Variants in ZPBP observed in about 807,000 individuals in gnomAD.
ZPBP encodes zona pellucida-binding protein 1.
ZPBP carries 26 observed loss-of-function variants against 44.8 expected under a neutral mutation model. The ratio of observed to expected loss-of-function variants is 0.58; its 90% CI spans 0.43 to 0.81. The LOEUF (loss-of-function observed/expected upper bound fraction) is 0.81. Among genes scored for constraint, ZPBP ranks in the 30% least tolerant of loss-of-function variants. The pLI is 0.00. For synonymous variants in ZPBP, 174 were observed against 153.2 expected (o/e 1.14, Z -1.00); for missense variants, 409 against 434.0 (o/e 0.94, Z 0.51).
intron 4 of ZPBP, among the ~76,000 whole-genome samples, chr7:50,040,399 G>C (rs12718233): frequency 2.0e-5 from 3 of 151,978 alleles, no homozygotes; most frequent in Non-Finnish European, 4.4e-5. Flanking sequence ...GAATAGCTCC[G>C]GTCTGCAGTT....
intron 7 of ZPBP, among the ~76,000 whole-genome samples, chr7:49,948,883 T>G (rs1397050827): frequency 6.6e-6 from 1 of 152,104 alleles, no homozygotes; most frequent in East Asian, 1.9e-4. Flanking sequence ...CTCAAAAGAA[T>G]TGAAAGAAGT....
chr7:49,885,100 A>C (rs1353168154), intron 2 of ZPBP, among the ~76,000 whole-genome samples: 1 of 152,122 alleles, frequency 6.6e-6, no homozygotes, highest in East Asian at 1.9e-4. Flanking sequence ...AATTATATGG[A>C]TTATAATCTG....
At chr7:49,878,091 C>G (rs1311371282) in intron 2 of ZPBP, among the ~76,000 whole-genome samples, 1 of 152,100 alleles carries the variant, frequency 6.6e-6, no homozygotes, top group Non-Finnish European at 1.5e-5. Flanking sequence ...CTGTTGCAGT[C>G]TGTCCCCTTG....
At chr7:50,077,828 T>C (rs1477801997) in intron 3 of ZPBP, among the ~76,000 whole-genome samples, 4 of 151,938 alleles carry the variant, frequency 2.6e-5, no homozygotes, top group Middle Eastern at 3.4e-3. Context: ...TGGTGAACAG[T>C]TTGGAGGCTT....
intron 1 of ZPBP, among the ~76,000 whole-genome samples, chr7:49,929,878 G>C (rs1262021791): frequency 6.6e-6 from 1 of 152,180 alleles, no homozygotes; most frequent in Non-Finnish European, 1.5e-5. Context: ...AAGTTAAAGA[G>C]ATGATTTGTA....
chr7:49,840,683 T>C, the ZPBP span, among the ~76,000 whole-genome samples: 2 of 152,216 alleles, frequency 1.3e-5, no homozygotes, highest in African/African-American at 4.8e-5. Flanking sequence ...ATTGCTTCAG[T>C]GCAGCTTCAA....
chr7:49,912,147 C>T, intron 1 of ZPBP: 1 of 1,614,074 alleles, frequency 6.2e-7, no homozygotes, highest in Non-Finnish European at 8.5e-7. Flanking sequence ...AATCGAGCGG[C>T]AGGCCATGTG....
At chr7:49,939,780 A>C (rs867112092) in intron 7 of ZPBP, among the ~76,000 whole-genome samples, 5 of 152,308 alleles carry the variant, frequency 3.3e-5, no homozygotes, top group African/African-American at 1.2e-4. Context: ...GAGATGCTTC[A>C]AATTTGAAAA....
chr7:50,076,114 A>T (rs1272357202), intron 3 of ZPBP, among the ~76,000 whole-genome samples: 1 of 151,944 alleles, frequency 6.6e-6, no homozygotes, highest in Non-Finnish European at 1.5e-5. Flanking sequence ...CAAATCAATC[A>T]GCGTGATATA....
chr7:50,032,132 A>T (rs1283566588), intron 4 of ZPBP, among the ~76,000 whole-genome samples: 1 of 152,168 alleles, frequency 6.6e-6, no homozygotes, highest in African/African-American at 2.4e-5. Flanking sequence ...CCATCTTTGT[A>T]TTTGGAGTAG....
At chr7:50,013,823 A>G (rs1446505596) in intron 6 of ZPBP, among the ~76,000 whole-genome samples, 1 of 152,152 alleles carries the variant, frequency 6.6e-6, no homozygotes, top group Non-Finnish European at 1.5e-5. Flanking sequence ...TTTGAATATA[A>G]TGACACTATG....
intron 4 of ZPBP, among the ~76,000 whole-genome samples, chr7:50,046,071 T>C (rs1800342798): frequency 6.6e-6 from 1 of 152,148 alleles, no homozygotes; most frequent in South Asian, 2.1e-4. Flanking sequence ...TAATAAATGG[T>C]GTTGGGAAAA....
At chr7:50,000,968 C>T (rs1185658649) in intron 6 of ZPBP, among the ~76,000 whole-genome samples, 1 of 152,048 alleles carries the variant, frequency 6.6e-6, no homozygotes, top group Non-Finnish European at 1.5e-5. Flanking sequence ...GACTGGTGTT[C>T]TCATAAGAAG....
chr7:50,073,974 C>A (rs1173462696), intron 3 of ZPBP, among the ~76,000 whole-genome samples: 1 of 151,874 alleles, frequency 6.6e-6, no homozygotes, highest in Non-Finnish European at 1.5e-5. Flanking sequence ...ACAAAACTCG[C>A]AGGTAATAGT....
chr7:50,070,946 G>C (rs917191547), intron 3 of ZPBP, among the ~76,000 whole-genome samples: 2 of 152,192 alleles, frequency 1.3e-5, no homozygotes, highest in Non-Finnish European at 2.9e-5. Context: ...AGGCTCACTA[G>C]CCACAGAAAA....
At chr7:50,000,053 T>C (rs1370605453) in intron 6 of ZPBP, among the ~76,000 whole-genome samples, 1 of 152,168 alleles carries the variant, frequency 6.6e-6, no homozygotes, top group Non-Finnish European at 1.5e-5. Context: ...CTACACTTTA[T>C]TTTTAAAGTG....
At chr7:50,083,706 G>A (rs2128853571) in intron 2 of ZPBP, among the ~76,000 whole-genome samples, 1 of 151,916 alleles carries the variant, frequency 6.6e-6, no homozygotes, top group South Asian at 2.1e-4. Flanking sequence ...TATATATGTG[G>A]TAGACAAGGT....
intron 4 of ZPBP, among the ~76,000 whole-genome samples, chr7:50,032,443 G>C (rs1293931698): frequency 6.6e-6 from 1 of 152,088 alleles, no homozygotes; most frequent in Non-Finnish European, 1.5e-5. Context: ...ACCTGAAATA[G>C]AATTAAGTCT....
intron 4 of ZPBP, among the ~76,000 whole-genome samples, chr7:50,038,877 C>G (rs115331198): frequency 1.3e-5 from 2 of 152,144 alleles, no homozygotes; most frequent in Non-Finnish European, 2.9e-5. Context: ...GGCCATACCA[C>G]GTAGCCTACG....
Sources: gnomAD v4.1 joint callset for allele counts (sites outside exome capture counted in the v4.1 genomes callset) on GRCh38, gnomAD v4.1.1 for gene constraint, MANE v1.5 for transcripts, NCBI Gene and HGNC (gene_info 2026-07-23, HGNC 2026-07-21) for gene names.